TMEM131L: variants seen among roughly 807,000 people sequenced by gnomAD.
TMEM131L encodes transmembrane 131 like.
Under a neutral mutation model 192.2 loss-of-function variants are expected in TMEM131L, and 54 were observed. The observed-to-expected ratio is 0.28, with a 90% CI of 0.23 to 0.35. TMEM131L has a LOEUF of 0.35. TMEM131L is among the 10% of genes least tolerant of loss of function. TMEM131L has a pLI of 1.00. For missense variants in TMEM131L, 1,888 were observed against 1,972.9 expected (o/e 0.96, Z 0.82); for synonymous variants, 701 against 704.9 (o/e 0.99, Z 0.09).
chr4:153,555,680 T>G lies in TMEM131L; in HGVS notation c.309-107T>G. ...AACTTTGTGATGAACAGCAACAGCT[T>G]TCTGGGTTTAAAAATCTGTGTGTAT... On this transcript the variant is annotated intron_variant, in intron 4 of 34. Transcript: ENST00000409959. The surrounding 1 kb of genome is among the most constrained non-coding windows in gnomAD (Gnocchi z 4.1). 1.1e-6 allele frequency: 1 copy of G among 936,376 alleles called. No individual in the cohort carries two copies. Among genetic ancestry groups the G allele is most frequent in the Non-Finnish European group, 1.5e-6 (1 of 665,734 alleles). The allele number at this position is 936,376 out of a possible 1,614,324, so 58.0% of individuals were successfully genotyped here. A position where few individuals can be genotyped will look rare whatever the true frequency, so the allele number is the denominator to read the frequency against.
intron 26 of TMEM131L, among the ~76,000 whole-genome samples, chr4:153,613,069 A>G (rs895590634): frequency 1.3e-5 from 2 of 152,216 alleles, no homozygotes; most frequent in African/African-American, 4.8e-5. Context: ...GAGAGAATGG[A>G]AATGTAAACA....
At chr4:153,479,510 A>G (rs1253162790) in intron 3 of TMEM131L, among the ~76,000 whole-genome samples, 1 of 152,188 alleles carries the variant, frequency 6.6e-6, no homozygotes, top group Admixed American at 6.5e-5. Context: ...TCTCTCTGGT[A>G]AGCCTTTTTT....
At chr4:153,547,577 CATG>C (rs758079691) in intron 3 of TMEM131L, among the ~76,000 whole-genome samples, 3 of 152,188 alleles carry the variant, frequency 2.0e-5, no homozygotes, top group Non-Finnish European at 4.4e-5. Flanking sequence ...ATTTTATTCT[CATG>C]ATAACTATGG....
chr4:153,562,183 A>G (rs1728890240), intron 7 of TMEM131L, among the ~76,000 whole-genome samples: 1 of 151,926 alleles, frequency 6.6e-6, no homozygotes, highest in African/African-American at 2.4e-5. Flanking sequence ...GACTACAGGC[A>G]TGCACCACCA....
At chr4:153,575,688 T>G (rs1561205895) in intron 7 of TMEM131L, among the ~76,000 whole-genome samples, 1 of 152,208 alleles carries the variant, frequency 6.6e-6, no homozygotes. Flanking sequence ...TAAGAAAAAG[T>G]TGTTTATAGA....
At chr4:153,594,585 G>A (rs1428693912) in intron 19 of TMEM131L, among the ~76,000 whole-genome samples, 2 of 152,072 alleles carry the variant, frequency 1.3e-5, no homozygotes, top group African/African-American at 2.4e-5. Context: ...TCACATATGC[G>A]GATAACTCTA....
chr4:153,574,268 TA>T (rs1729786836), intron 7 of TMEM131L, among the ~76,000 whole-genome samples: 1 of 152,210 alleles, frequency 6.6e-6, no homozygotes, highest in Non-Finnish European at 1.5e-5. Context: ...TCTGGCAGTA[TA>T]GTTAGATTTT....
chr4:153,474,801 C>T lies in TMEM131L; in HGVS notation c.239+913C>T, dbSNP rs533613894. Among the ~76,000 whole-genome samples the T allele has an allele frequency of 4.9e-4, 75 of 152,244 alleles. 1 individual carries two copies. Among genetic ancestry groups the T allele is most frequent in the African/African-American group, 1.4e-3 (60 of 41,544 alleles). On this transcript the variant is annotated intron_variant, in intron 3 of 34. Coordinates refer to ENST00000409959, the MANE Select transcript of TMEM131L (RefSeq NM_001131007.2). ...AAACTCCTGACCTCAAGTGATCCGC[C>T]CGACTTCGCCTCCCATAGTGCTGGG...
At chr4:153,554,060 ATTC>A (rs1737827133) in intron 4 of TMEM131L, 1 of 152,146 alleles carries the variant, frequency 6.6e-6, no homozygotes, top group Non-Finnish European at 1.5e-5. Context: ...AGACATTTGT[ATTC>A]TTAGAAACCT....
chr4:153,567,858 A>G (rs1729328317), intron 7 of TMEM131L, among the ~76,000 whole-genome samples: 1 of 152,020 alleles, frequency 6.6e-6, no homozygotes. Context: ...GCTGCTTTTT[A>G]TGTTATGTGG....
rs143841084 is a variant in TMEM131L, at chr4:153,596,332, C to A, written c.2070C>A (p.Gly690=). ...AGCCTTTGGAAATGAAAAGGGTTGG[C>A]GTAGTTTTCACACCTGCTGACTATG... The part of the protein sequence containing the change: ...HLQPLEMKRV[G]VVFTPADYGK... Residue 690 remains glycine (G), a synonymous_variant, in exon 20 of 35, where the codon GGC becomes GGA. Coordinates refer to ENST00000409959, the MANE Select transcript of TMEM131L (RefSeq NM_001131007.2). 458 of 1,613,818 alleles carry A rather than the reference C, an allele frequency of 2.8e-4. No homozygotes were observed. Among genetic ancestry groups the A allele is most frequent in the Non-Finnish European group, 3.4e-4 (397 of 1,179,858 alleles).
chr4:153,535,275 G>C (rs1442881093), intron 3 of TMEM131L, among the ~76,000 whole-genome samples: 2 of 152,308 alleles, frequency 1.3e-5, no homozygotes, highest in South Asian at 2.1e-4. Context: ...AGTTGGGTGT[G>C]GGGGTAAGAT....
intron 26 of TMEM131L, among the ~76,000 whole-genome samples, chr4:153,618,952 C>G (rs1399205349): frequency 6.6e-6 from 1 of 152,176 alleles, no homozygotes; most frequent in African/African-American, 2.4e-5. Flanking sequence ...AAGGTGCTCC[C>G]TGCCACTCTT....
intron 7 of TMEM131L, among the ~76,000 whole-genome samples, chr4:153,561,102 A>T (rs1728819073): frequency 2.0e-5 from 3 of 152,062 alleles, no homozygotes; most frequent in Admixed American, 1.3e-4. Flanking sequence ...GTGGTATCTC[A>T]TGTGGTTTTG....
chr4:153,475,672 C>T (rs576313606), intron 3 of TMEM131L, among the ~76,000 whole-genome samples: 3 of 148,550 alleles, frequency 2.0e-5, no homozygotes, highest in East Asian at 3.9e-4. Flanking sequence ...AACTGTGGAT[C>T]GAAAATACAG....
intron 7 of TMEM131L, among the ~76,000 whole-genome samples, chr4:153,566,280 C>T (rs969209627): frequency 3.3e-5 from 5 of 152,084 alleles, no homozygotes; most frequent in East Asian, 1.9e-4. Context: ...GGACCACAGG[C>T]GCCCGCAAGC....
chr4:153,512,914 T>C (rs928646886), intron 3 of TMEM131L, among the ~76,000 whole-genome samples: 26 of 152,218 alleles, frequency 1.7e-4, no homozygotes, highest in Non-Finnish European at 3.5e-4. Flanking sequence ...GCCCAGCCCT[T>C]TATTTTTTAA....
rs762703642 is a variant in TMEM131L, at chr4:153,478,194, G to A, written c.239+4306G>A. ...TGTGTAAAGAAATGATCATGATGTG[G>A]GTGGGATGCTGCTTTTAAAAACCTT... is the stretch of plus-strand genomic sequence containing the variant. On this transcript the variant is annotated intron_variant, in intron 3 of 34. Coordinates refer to ENST00000409959, the MANE Select transcript of TMEM131L (RefSeq NM_001131007.2). 5.1e-4 allele frequency among the ~76,000 whole-genome samples: 78 copies of A among 152,046 alleles called. 1 individual carries two copies. Among genetic ancestry groups the A allele is most frequent in the Admixed American group, 3.3e-4 (5 of 15,260 alleles).
At chr4:153,496,716 T>G in intron 3 of TMEM131L, among the ~76,000 whole-genome samples, 1 of 151,126 alleles carries the variant, frequency 6.6e-6, no homozygotes, top group Non-Finnish European at 1.5e-5. Flanking sequence ...TCTGGCTAAT[T>G]TTGTTTATTT....
Sources: gnomAD v4.1 joint callset for allele counts (sites outside exome capture counted in the v4.1 genomes callset) on GRCh38, gnomAD v4.1.1 for gene constraint, Gnocchi (gnomAD v3.1) non-coding constraint, MANE v1.5 for transcripts, NCBI Gene and HGNC (gene_info 2026-07-23, HGNC 2026-07-21) for gene names.